The following MACROD2 variants were observed in gnomAD, a reference collection of about 807,000 sequenced individuals.
MACROD2 encodes the protein mono-ADP ribosylhydrolase 2, also known as ADP-ribose glycohydrolase MACROD2.
MACROD2 carries 36 observed loss-of-function variants against 70.4 expected under a neutral mutation model. That is an observed-to-expected ratio of 0.51 (90% CI 0.39 to 0.68). MACROD2 has a LOEUF of 0.68. MACROD2 is among the 30% of genes least tolerant of loss of function. The probability of loss-of-function intolerance (pLI) is 0.00; values close to 1 mark genes in which losing one functional copy is unlikely to be tolerated. For missense variants in MACROD2, 496 were observed against 538.4 expected (o/e 0.92, Z 0.78); for synonymous variants, 172 against 178.8 (o/e 0.96, Z 0.30).
intron 8 of MACROD2, among the ~76,000 whole-genome samples, chr20:15,596,683 G>A (rs905600557): frequency 4.6e-5 from 7 of 152,174 alleles, no homozygotes; most frequent in Non-Finnish European, 8.8e-5. Flanking sequence ...GCTTTTAAGT[G>A]GTTTGGTTCA....
At chr20:14,729,903 A>G (rs1407801990) in intron 5 of MACROD2, among the ~76,000 whole-genome samples, 1 of 152,196 alleles carries the variant, frequency 6.6e-6, no homozygotes, top group Non-Finnish European at 1.5e-5. Context: ...TATTTGCATT[A>G]CATTTATTAA....
chr20:15,751,463 G>T (rs929164316), intron 8 of MACROD2, among the ~76,000 whole-genome samples: 4 of 152,000 alleles, frequency 2.6e-5, no homozygotes, highest in Non-Finnish European at 5.9e-5. Flanking sequence ...TTAATCAGTT[G>T]TTCATTGAAG....
At chr20:14,665,773 T>C (rs2070730735) in intron 4 of MACROD2, among the ~76,000 whole-genome samples, 1 of 152,130 alleles carries the variant, frequency 6.6e-6, no homozygotes, top group African/African-American at 2.4e-5. Flanking sequence ...TCTTCCACAG[T>C]CACTGGAAGG....
At chr20:15,163,788 C>T (rs889395514) in intron 5 of MACROD2, among the ~76,000 whole-genome samples, 1 of 151,778 alleles carries the variant, frequency 6.6e-6, no homozygotes, top group Non-Finnish European at 1.5e-5. Context: ...GATATATTTA[C>T]TATGTAAACC....
chr20:15,332,586 T>C (rs6079762), intron 6 of MACROD2, among the ~76,000 whole-genome samples: 7 of 46,954 alleles, frequency 1.5e-4, no homozygotes, highest in Non-Finnish European at 2.7e-4. Context: ...GAGGCTGTTC[T>C]TACAGCCCCT....
chr20:15,935,430 A>G (rs1321767707), intron 11 of MACROD2, among the ~76,000 whole-genome samples: 2 of 152,234 alleles, frequency 1.3e-5, no homozygotes, highest in Admixed American at 6.5e-5. Context: ...CTCCCTAATC[A>G]GAGCTCAGAG....
At chr20:14,438,934 G>T (rs2084089452) in intron 3 of MACROD2, among the ~76,000 whole-genome samples, 1 of 151,800 alleles carries the variant, frequency 6.6e-6, no homozygotes, top group South Asian at 2.1e-4. Context: ...ATTTATTTTT[G>T]ATTTTGTAGG....
chr20:14,576,197 A>C (rs2123332918), intron 4 of MACROD2, among the ~76,000 whole-genome samples: 1 of 152,338 alleles, frequency 6.6e-6, no homozygotes, highest in Middle Eastern at 3.4e-3. Flanking sequence ...CCTCAAGATG[A>C]CACAGAGAGG....
At chr20:15,151,072 C>G (rs1041705201) in intron 5 of MACROD2, among the ~76,000 whole-genome samples, 1 of 151,974 alleles carries the variant, frequency 6.6e-6, no homozygotes, top group Admixed American at 6.5e-5. Flanking sequence ...GCTTCCGAGG[C>G]GATCAGGCAG....
chr20:15,861,794 C>T (rs1307406155), intron 8 of MACROD2, among the ~76,000 whole-genome samples: 1 of 152,146 alleles, frequency 6.6e-6, no homozygotes, highest in Non-Finnish European at 1.5e-5. Flanking sequence ...AGGTGGGTGA[C>T]TTCCATGGGG....
intron 4 of MACROD2, among the ~76,000 whole-genome samples, chr20:14,553,782 C>T (rs1186299481): frequency 6.6e-6 from 1 of 152,112 alleles, no homozygotes; most frequent in East Asian, 1.9e-4. Context: ...TGGATAATGA[C>T]CATCAAAGTT....
chr20:15,317,751 G>A (rs529391984), intron 6 of MACROD2, among the ~76,000 whole-genome samples: 1 of 150,624 alleles, frequency 6.6e-6, no homozygotes, highest in South Asian at 2.1e-4. Context: ...TCAAGCAGAA[G>A]GGTTTCTTTT....
chr20:14,769,582 T>C (rs2072138653), intron 5 of MACROD2, among the ~76,000 whole-genome samples: 1 of 152,138 alleles, frequency 6.6e-6, no homozygotes, highest in African/African-American at 2.4e-5. Flanking sequence ...AGTCCTTTAC[T>C]GGGTTTTGCA....
intron 6 of MACROD2, among the ~76,000 whole-genome samples, chr20:15,391,845 G>T (rs147029084): frequency 4.5e-4 from 69 of 152,178 alleles, no homozygotes; most frequent in African/African-American, 1.5e-3. Flanking sequence ...TTACCTATCA[G>T]TAAGAAAAAA....
chr20:15,219,230 C>T (rs2076837385), intron 5 of MACROD2, among the ~76,000 whole-genome samples: 1 of 152,118 alleles, frequency 6.6e-6, no homozygotes, highest in African/African-American at 2.4e-5. Context: ...TAGATCTGCA[C>T]AGTGAGAAGC....
chr20:15,464,538 GAA>G (rs907405267), intron 7 of MACROD2, among the ~76,000 whole-genome samples: 3 of 152,138 alleles, frequency 2.0e-5, no homozygotes, highest in African/African-American at 7.2e-5. Flanking sequence ...TATCTTTAGA[GAA>G]AAAATATTCC....
intron 2 of MACROD2, among the ~76,000 whole-genome samples, chr20:14,067,098 A>G (rs1257227043): frequency 1.4e-5 from 2 of 144,852 alleles, no homozygotes; most frequent in Non-Finnish European, 3.0e-5. Flanking sequence ...GGCGTGAGCT[A>G]CTGCACCTGG....
intron 8 of MACROD2, among the ~76,000 whole-genome samples, chr20:15,618,180 G>T (rs533259034): frequency 7.0e-6 from 1 of 143,566 alleles, no homozygotes; most frequent in Admixed American, 7.4e-5. Context: ...CACACTCATG[G>T]TTCCTTTCCC....
chr20:14,155,922 G>T (rs2055096088), intron 3 of MACROD2, among the ~76,000 whole-genome samples: 1 of 152,166 alleles, frequency 6.6e-6, no homozygotes, highest in African/African-American at 2.4e-5. Flanking sequence ...AGCACTTTGG[G>T]TGGCCAAGCC....
Sources: gnomAD v4.1 joint callset for allele counts (sites outside exome capture counted in the v4.1 genomes callset) on GRCh38, gnomAD v4.1.1 for gene constraint, MANE v1.5 for transcripts, NCBI Gene and HGNC (gene_info 2026-07-23, HGNC 2026-07-21) for gene names.